Variants in TNS3 observed in about 807,000 individuals in gnomAD.
TNS3 encodes tensin 3.
A neutral mutation model predicts 140.9 loss-of-function variants in TNS3; 45 were observed. That is an observed-to-expected ratio of 0.32 (90% CI 0.25 to 0.41). The LOEUF is 0.41. Among genes scored for constraint, TNS3 ranks in the 10% least tolerant of loss-of-function variants. The probability of loss-of-function intolerance (pLI) is 1.00; values close to 1 mark genes in which losing one functional copy is unlikely to be tolerated. For missense variants in TNS3, 1,716 were observed against 1,906.7 expected (o/e 0.90, Z 1.86); for synonymous variants, 815 against 788.4 (o/e 1.03, Z -0.56).
chr7:47,442,865 C>A (rs1257715603), intron 4 of TNS3, among the ~76,000 whole-genome samples: 2 of 152,228 alleles, frequency 1.3e-5, no homozygotes, highest in African/African-American at 4.8e-5. Flanking sequence ...ACACCACCAT[C>A]AGAGGCATCA....
At chr7:47,512,396 G>A (rs1446313529) in intron 2 of TNS3, among the ~76,000 whole-genome samples, 2 of 152,234 alleles carry the variant, frequency 1.3e-5, no homozygotes, top group African/African-American at 4.8e-5. Flanking sequence ...GTAATTAGGA[G>A]TAGAACAGGG....
Position 47,409,418 on chromosome 7 carries a change from AG to A in TNS3, c.723+2308del, listed in dbSNP as rs1402397129. Among the ~76,000 whole-genome samples the A allele has an allele frequency of 3.9e-5, 6 of 151,916 alleles. No homozygotes were observed. The East Asian group carries it at 1.2e-3, about 30-fold the overall frequency. ...CCGTCCCATGCTCTTGGTGGGCGGTAGGGGGGAAGACACATCTTAGCCTGAG... is the reference window on the plus strand; with the variant it reads ...CCGTCCCATGCTCTTGGTGGGCGGTAGGGGGAAGACACATCTTAGCCTGAG... On this transcript the variant is annotated intron_variant, in intron 13 of 30. Transcript: ENST00000311160.
chr7:47,332,574 G>C (rs551567648), intron 20 of TNS3, among the ~76,000 whole-genome samples: 1 of 151,854 alleles, frequency 6.6e-6, no homozygotes, highest in African/African-American at 2.4e-5. Flanking sequence ...CCTCAATCCC[G>C]GGATGGAGCA....
chr7:47,495,190 C>G (rs74336917), intron 3 of TNS3, among the ~76,000 whole-genome samples: 1 of 79,682 alleles, frequency 1.3e-5, no homozygotes, highest in African/African-American at 4.5e-5. Flanking sequence ...GACTCCGTCT[C>G]AAAAAAAAAA....
chr7:47,405,954 G>A (rs140254530), intron 13 of TNS3, among the ~76,000 whole-genome samples: 3 of 152,224 alleles, frequency 2.0e-5, no homozygotes, highest in African/African-American at 7.2e-5. Flanking sequence ...GCAAGATGAA[G>A]CATGTGTTTA....
At chr7:47,282,663 CGAGAGCATCAAGCATTGG>C (rs1303991471) in intron 28 of TNS3, among the ~76,000 whole-genome samples, 1 of 152,212 alleles carries the variant, frequency 6.6e-6, no homozygotes, top group African/African-American at 2.4e-5. Flanking sequence ...GATTGAAATA[CGAGAGCATCAAGCATTGG>C]GACCCTGCCC....
At chr7:47,437,541 C>T (rs1795244901) in intron 6 of TNS3, among the ~76,000 whole-genome samples, 1 of 151,064 alleles carries the variant, frequency 6.6e-6, no homozygotes, top group Non-Finnish European at 1.5e-5. Flanking sequence ...TTCCAGGTAC[C>T]GAGGATCAGA....
At chr7:47,415,834 A>C (rs1272172952) in intron 10 of TNS3, among the ~76,000 whole-genome samples, 2 of 152,252 alleles carry the variant, frequency 1.3e-5, no homozygotes, top group African/African-American at 2.4e-5. Flanking sequence ...AGTCGGCCTC[A>C]TGCTTCCAAC....
chr7:47,546,114 C>T (rs1455401227), intron 1 of TNS3, among the ~76,000 whole-genome samples: 1 of 152,184 alleles, frequency 6.6e-6, no homozygotes, highest in Non-Finnish European at 1.5e-5. Context: ...CAGAGAGCTG[C>T]GGCGGACCCC....
chr7:47,303,027 C>T lies in TNS3; in HGVS notation c.3380G>A (p.Gly1127Glu), dbSNP rs375380624. The change falls in exon 22 of 31, where the codon GGG (glycine) becomes GAG (glutamate). Residue 1127 changes from glycine to glutamate, a missense_variant. Around this residue, in one of 3 missense-constraint regions of TNS3, gnomAD observed 1,163 missense variants for 1,182.1 expected, o/e 0.98. Transcript: ENST00000311160. The part of the protein sequence containing the change: ...SSSGFSSPHS[G>E]STISIPFPNV... ...TGGGAAGGGGATACTGATGGTGCTC[C>T]CGCTGTGCGGGCTGGAGAAGCCACT... 1.7e-5 allele frequency: 27 copies of T among 1,614,094 alleles called. No individual in the cohort carries two copies. The African/African-American group carries it at 3.2e-4, about 19-fold the overall frequency.
At chr7:47,341,145 T>C (rs542742345) in intron 20 of TNS3, among the ~76,000 whole-genome samples, 4 of 152,216 alleles carry the variant, frequency 2.6e-5, no homozygotes, top group African/African-American at 9.6e-5. Context: ...TCTATTTGTT[T>C]ATGTTTTGTT....
chr7:47,524,763 C>T (rs1266807797), intron 2 of TNS3, among the ~76,000 whole-genome samples: 2 of 136,608 alleles, frequency 1.5e-5, no homozygotes, highest in African/African-American at 5.8e-5. Context: ...GATCGCGCCA[C>T]TGCAGTCCGC....
In TNS3 at chr7:47,439,738, A is replaced by G. The variant is rs571550198; in HGVS notation, c.-22-80T>C. The G allele has an allele frequency of 4.7e-5, 68 of 1,448,528 alleles. No homozygotes were observed. In the East Asian group the frequency reaches 7.3e-4, roughly 16 times the overall value. 89.7% of individuals were successfully genotyped at this position (1,448,528 alleles called of 1,614,324 possible). ...ATCCTCTAGGAAAAAGGTGAAGACG[A>G]CGGACACTCATCCCCTGGGTGTTCA... On this transcript the variant is annotated intron_variant, in intron 5 of 30. Coordinates refer to ENST00000311160, the MANE Select transcript of TNS3 (RefSeq NM_022748.12).
chr7:47,409,265 G>GC (rs148634118), intron 13 of TNS3, among the ~76,000 whole-genome samples: 68 of 152,000 alleles, frequency 4.5e-4, no homozygotes, highest in Non-Finnish European at 3.5e-4. Flanking sequence ...CCAGGAGACT[G>GC]CCCCCGCCCG....
intron 17 of TNS3, among the ~76,000 whole-genome samples, chr7:47,359,593 T>TA (rs1790201687): frequency 6.6e-6 from 1 of 152,238 alleles, no homozygotes; most frequent in Admixed American, 6.5e-5. Flanking sequence ...GAGTATTTTT[T>TA]AAACCTGAGG....
intron 20 of TNS3, among the ~76,000 whole-genome samples, chr7:47,316,559 T>TG (rs892820505): frequency 1.3e-5 from 2 of 151,620 alleles, no homozygotes; most frequent in Admixed American, 6.6e-5. Flanking sequence ...TTTTTGTTTT[T>TG]TTTTTTTAAA....
chr7:47,355,192 C>A (rs925918095), intron 17 of TNS3, among the ~76,000 whole-genome samples: 2 of 152,212 alleles, frequency 1.3e-5, no homozygotes, highest in East Asian at 1.9e-4. Flanking sequence ...CCACGCCCAG[C>A]GGGATCTGGG....
intron 20 of TNS3, among the ~76,000 whole-genome samples, chr7:47,335,522 A>G (rs1490934532): frequency 6.6e-6 from 1 of 152,236 alleles, no homozygotes; most frequent in Non-Finnish European, 1.5e-5. Context: ...ACATGAGCAC[A>G]CTGGGCACAA....
At chr7:47,392,942 A>G (rs1792613105) in intron 16 of TNS3, among the ~76,000 whole-genome samples, 1 of 152,240 alleles carries the variant, frequency 6.6e-6, no homozygotes. Flanking sequence ...CGTGTCTCAC[A>G]GGGAGAACTT....
Sources: gnomAD v4.1 joint callset for allele counts (sites outside exome capture counted in the v4.1 genomes callset) on GRCh38, gnomAD v4.1.1 for gene constraint, gnomAD v4.1.1 regional missense constraint, MANE v1.5 for transcripts, NCBI Gene and HGNC (gene_info 2026-07-23, HGNC 2026-07-21) for gene names.